The following QNG1 variants were observed in gnomAD, a reference collection of about 807,000 sequenced individuals.
The protein encoded by QNG1 is queuosine 5'-phosphate N-glycosylase/hydrolase.
the QNG1 span, chr9:83,956,405 TGC>T: frequency 6.3e-7 from 1 of 1,596,352 alleles, no homozygotes; most frequent in East Asian, 2.2e-5. Flanking sequence ...GCAGCAGCTC[TGC>T]CACCCTCCGT....
At chr9:83,945,812 C>T in the QNG1 span, among the ~76,000 whole-genome samples, 1 of 151,816 alleles carries the variant, frequency 6.6e-6, no homozygotes, top group Non-Finnish European at 1.5e-5. Context: ...CTGTGTTAGC[C>T]GGGATGGTCT....
the QNG1 span, among the ~76,000 whole-genome samples, chr9:83,947,456 T>C: frequency 5.3e-5 from 8 of 152,218 alleles, no homozygotes; most frequent in African/African-American, 1.9e-4. Flanking sequence ...AGACCTATTT[T>C]TATTATACTA....
At chr9:83,948,326 C>T in the QNG1 span, among the ~76,000 whole-genome samples, 11 of 102,320 alleles carry the variant, frequency 1.1e-4, no homozygotes, top group African/African-American at 2.4e-4. Context: ...GCAGCCGCCC[C>T]GTCTGGGAAG....
At chr9:83,949,901 T>C in the QNG1 span, among the ~76,000 whole-genome samples, 1 of 151,482 alleles carries the variant, frequency 6.6e-6, no homozygotes, top group Admixed American at 6.6e-5. Context: ...ATGTAAATTA[T>C]CATGTCACTG....
chr9:83,951,035 G>A, the QNG1 span, among the ~76,000 whole-genome samples: 1 of 152,094 alleles, frequency 6.6e-6, no homozygotes, highest in Admixed American at 6.6e-5. Context: ...TGGGAGGGAG[G>A]CCGAGGTGGG....
chr9:83,939,464 T>C, the QNG1 span: 17 of 1,239,762 alleles, frequency 1.4e-5, no homozygotes, highest in Non-Finnish European at 1.6e-5. Context: ...ACAGATGATA[T>C]GATATAAAAC....
the QNG1 span, among the ~76,000 whole-genome samples, chr9:83,945,545 T>TC: frequency 1.5e-4 from 23 of 152,128 alleles, no homozygotes; most frequent in African/African-American, 5.6e-4. Context: ...TACTTACTAT[T>TC]CTTTTTCAAT....
chr9:83,938,449 T>G, the QNG1 span: 1 of 152,040 alleles, frequency 6.6e-6, no homozygotes, highest in Non-Finnish European at 1.5e-5. Flanking sequence ...AAATAAAGTG[T>G]CAAGATTGAT....
At chr9:83,940,400 G>C in the QNG1 span, among the ~76,000 whole-genome samples, 1 of 152,032 alleles carries the variant, frequency 6.6e-6, no homozygotes, top group Admixed American at 6.6e-5. Context: ...GTTGCAGTGA[G>C]CCGAGATCAC....
the QNG1 span, among the ~76,000 whole-genome samples, chr9:83,949,974 T>C: frequency 6.7e-6 from 1 of 150,330 alleles, no homozygotes; most frequent in Non-Finnish European, 1.5e-5. Flanking sequence ...TAATAATATA[T>C]TAATATAAAA....
chr9:83,939,397 G>A, the QNG1 span: 1 of 712,176 alleles, frequency 1.4e-6, no homozygotes, highest in South Asian at 1.8e-5. Context: ...AAGTGAGAAT[G>A]GGCAATCAAT....
chr9:83,946,088 C>T, the QNG1 span, among the ~76,000 whole-genome samples: 4 of 151,956 alleles, frequency 2.6e-5, no homozygotes, highest in South Asian at 2.1e-4. Flanking sequence ...AGGAGGATCA[C>T]GAGGTCAGGA....
the QNG1 span, among the ~76,000 whole-genome samples, chr9:83,947,845 C>T: frequency 1.3e-5 from 2 of 152,204 alleles, no homozygotes; most frequent in Admixed American, 1.3e-4. Flanking sequence ...AGTGCAGTAG[C>T]GTGATCTCGA....
chr9:83,950,181 C>T, the QNG1 span, among the ~76,000 whole-genome samples: 1 of 151,728 alleles, frequency 6.6e-6, no homozygotes, highest in Admixed American at 6.6e-5. Flanking sequence ...TCCCGAGTAG[C>T]TGGGATTACA....
At chr9:83,956,373 T>G in the QNG1 span, 5 of 1,607,034 alleles carry the variant, frequency 3.1e-6, no homozygotes, top group Non-Finnish European at 4.2e-6. Context: ...CACGCGCAGC[T>G]CTGGCCCCGC....
the QNG1 span, among the ~76,000 whole-genome samples, chr9:83,955,176 G>A: frequency 3.3e-5 from 5 of 152,152 alleles, no homozygotes; most frequent in Admixed American, 2.6e-4. Context: ...TCCAGCCTGC[G>A]CAACAAGAGC....
the QNG1 span, among the ~76,000 whole-genome samples, chr9:83,948,616 G>T: frequency 6.6e-6 from 1 of 152,218 alleles, no homozygotes; most frequent in Non-Finnish European, 1.5e-5. Flanking sequence ...CATTGAGAGC[G>T]GGCCATGATG....
chr9:83,944,669 T>G, the QNG1 span: 25 of 694,516 alleles, frequency 3.6e-5, no homozygotes, highest in Non-Finnish European at 4.6e-5. Flanking sequence ...GCATTTTCCT[T>G]TTTACATATA....
the QNG1 span, among the ~76,000 whole-genome samples, chr9:83,944,074 C>A: frequency 1.3e-5 from 2 of 152,096 alleles, no homozygotes; most frequent in Non-Finnish European, 2.9e-5. Flanking sequence ...GTAATCCCAG[C>A]ACTTTGGAAG....
Sources: gnomAD v4.1 joint callset for allele counts (sites outside exome capture counted in the v4.1 genomes callset) on GRCh38, gnomAD v4.1.1 for gene constraint, MANE v1.5 for transcripts, NCBI Gene and HGNC (gene_info 2026-07-23, HGNC 2026-07-21) for gene names.